TMEM132D: variants seen among roughly 807,000 people sequenced by gnomAD.
The protein encoded by TMEM132D is mature OL transmembrane protein.
A neutral mutation model predicts 62.3 loss-of-function variants in TMEM132D; 21 were observed. The ratio of observed to expected loss-of-function variants is 0.34; its 90% confidence interval spans 0.24 to 0.49. The LOEUF is 0.49. Among genes scored for constraint, TMEM132D ranks in the 20% least tolerant of loss-of-function variants. The pLI is 0.99. For synonymous variants in TMEM132D, 621 were observed against 575.6 expected (o/e 1.08, Z -1.13); for missense variants, 1,346 against 1,402.8 (o/e 0.96, Z 0.65).
chr12:129,274,170 G>T (rs1880939041), intron 4 of TMEM132D, among the ~76,000 whole-genome samples: 1 of 151,822 alleles, frequency 6.6e-6, no homozygotes, highest in African/African-American at 2.4e-5. Context: ...AAAAGGAACT[G>T]GGAGAGTCTC....
chr12:129,700,472 G>T lies in TMEM132D; in HGVS notation c.306C>A (p.Ile102=), dbSNP rs2137227362. 3 of 1,614,132 alleles carry T rather than the reference G, an allele frequency of 1.9e-6. No individual in the cohort carries two copies. The highest frequency in any genetic ancestry group is 2.5e-6 in the Non-Finnish European group (3 of 1,180,038). The change falls in exon 2 of 9, where the codon ATC becomes ATA. Residue 102 remains isoleucine, a synonymous_variant. Coordinates refer to ENST00000422113, the MANE Select transcript of TMEM132D (RefSeq NM_133448.3). The part of the protein sequence containing the change: ...VLNASYGPFS[I]EQVVPQDLML... ...TTAAATCCTGGGGCACCACTTGCTCGATGGAGAAAGGCCCGTAGCTGGCAT... is the reference window on the plus strand; with the variant it reads ...TTAAATCCTGGGGCACCACTTGCTCTATGGAGAAAGGCCCGTAGCTGGCAT...
chr12:129,576,799 T>C (rs1877674941), intron 2 of TMEM132D, among the ~76,000 whole-genome samples: 1 of 151,952 alleles, frequency 6.6e-6, no homozygotes, highest in Admixed American at 6.6e-5. Flanking sequence ...GTATGTTATA[T>C]GTATTAGATA....
intron 4 of TMEM132D, among the ~76,000 whole-genome samples, chr12:129,303,194 C>T (rs76190927): frequency 1.0e-3 from 141 of 137,572 alleles, no homozygotes; most frequent in Non-Finnish European, 1.7e-3. Context: ...CATCACTCGC[C>T]GGGACTCTGC....
rs1236697244 is a variant in TMEM132D, at chr12:129,867,792, G to A, written c.79+35469C>T. 6.6e-6 allele frequency among the ~76,000 whole-genome samples: 1 copy of A among 152,146 alleles called. No individual in the cohort carries two copies. The highest frequency in any genetic ancestry group is 2.4e-5 in the African/African-American group (1 of 41,436). Reference sequence around the variant, plus strand: ...TAAAAGCTAAAATAAATTTTAAAAGGTATATATTTAAGCCAAAACTAACCT... The same window carrying A: ...TAAAAGCTAAAATAAATTTTAAAAGATATATATTTAAGCCAAAACTAACCT... On this transcript the variant is annotated intron_variant, in intron 1 of 8. Coordinates refer to ENST00000422113, the MANE Select transcript of TMEM132D (RefSeq NM_133448.3). The surrounding 1 kb of genome is among the most constrained non-coding windows in gnomAD (Gnocchi z 4.5).
chr12:129,822,001 C>A (rs144190976), intron 1 of TMEM132D, among the ~76,000 whole-genome samples: 1 of 152,222 alleles, frequency 6.6e-6, no homozygotes, highest in Non-Finnish European at 1.5e-5. Context: ...TATAATAGTG[C>A]AAAAGACAGA....
intron 1 of TMEM132D, among the ~76,000 whole-genome samples, chr12:129,758,847 G>A (rs990215947): frequency 6.6e-6 from 1 of 152,068 alleles, no homozygotes; most frequent in Admixed American, 6.5e-5. Context: ...ATCTATTGAG[G>A]TGATCTAGTA....
At chr12:129,369,043 G>A (rs1164023633) in intron 3 of TMEM132D, among the ~76,000 whole-genome samples, 1 of 152,190 alleles carries the variant, frequency 6.6e-6, no homozygotes, top group African/African-American at 2.4e-5. Flanking sequence ...GTATCAATCA[G>A]CTGTGATACC....
chr12:129,538,029 AT>A (rs1207577384), intron 2 of TMEM132D, among the ~76,000 whole-genome samples: 2 of 152,238 alleles, frequency 1.3e-5, no homozygotes, highest in Non-Finnish European at 2.9e-5. Context: ...AAATTCCAAC[AT>A]TTGAAGACAC....
At chr12:129,248,316 G>A (rs958949561) in intron 4 of TMEM132D, among the ~76,000 whole-genome samples, 3 of 152,154 alleles carry the variant, frequency 2.0e-5, no homozygotes, top group South Asian at 2.1e-4. Context: ...GAACTCTCAC[G>A]AAAGGACTTC....
At chr12:129,649,179 T>C (rs1020912604) in intron 2 of TMEM132D, among the ~76,000 whole-genome samples, 8 of 152,202 alleles carry the variant, frequency 5.3e-5, no homozygotes, top group African/African-American at 1.9e-4. Flanking sequence ...CACACTCAGA[T>C]CTCTCATTTC....
At chr12:129,807,661 C>G (rs541888582) in intron 1 of TMEM132D, among the ~76,000 whole-genome samples, 51 of 152,190 alleles carry the variant, frequency 3.4e-4, no homozygotes, top group Non-Finnish European at 6.5e-4. Context: ...TTCCGACTCT[C>G]CTTGTCTTCT....
chr12:129,336,902 AACGGCGTT>A (rs1211852007), intron 4 of TMEM132D, among the ~76,000 whole-genome samples: 4 of 152,218 alleles, frequency 2.6e-5, no homozygotes. Flanking sequence ...GCTCAAGACA[AACGGCGTT>A]GCCATTCCCA....
chr12:129,414,501 A>G (rs1285053098), intron 3 of TMEM132D, among the ~76,000 whole-genome samples: 1 of 152,196 alleles, frequency 6.6e-6, no homozygotes, highest in Non-Finnish European at 1.5e-5. Flanking sequence ...TTGGCAATGA[A>G]CCTAGCCTTA....
intron 3 of TMEM132D, among the ~76,000 whole-genome samples, chr12:129,366,437 C>T (rs756867906): frequency 2.6e-4 from 40 of 152,078 alleles, no homozygotes; most frequent in African/African-American, 3.6e-4. Context: ...CCATGTGACA[C>T]GCCTGCTTCC....
intron 2 of TMEM132D, among the ~76,000 whole-genome samples, chr12:129,589,959 C>T (rs1232228976): frequency 6.6e-6 from 1 of 152,142 alleles, no homozygotes; most frequent in East Asian, 1.9e-4. Context: ...CTAAATTAAA[C>T]CATCCCTTTT....
chr12:129,200,694 A>G (rs2054813), intron 5 of TMEM132D, among the ~76,000 whole-genome samples: 110,845 of 152,228 alleles, frequency 0.73, 40,809 homozygotes, highest in Middle Eastern at 0.76. Flanking sequence ...GCTGGATTGC[A>G]GAAAGAGAAC....
intron 1 of TMEM132D, among the ~76,000 whole-genome samples, chr12:129,792,933 A>T (rs1418907519): frequency 1.3e-5 from 2 of 152,216 alleles, no homozygotes; most frequent in African/African-American, 4.8e-5. Flanking sequence ...CCAGGAGGGA[A>T]ACTGGTGTTC....
intron 5 of TMEM132D, among the ~76,000 whole-genome samples, chr12:129,103,187 G>A (rs893796989): frequency 1.3e-5 from 2 of 152,204 alleles, no homozygotes; most frequent in Non-Finnish European, 2.9e-5. Context: ...GCTGGAGGAA[G>A]AGGAGGGATT....
chr12:129,771,675 C>T (rs1328900881), intron 1 of TMEM132D, among the ~76,000 whole-genome samples: 1 of 152,200 alleles, frequency 6.6e-6, no homozygotes, highest in Non-Finnish European at 1.5e-5. Context: ...TCCCAGCGAT[C>T]CAATGCACTT....
Sources: gnomAD v4.1 joint callset for allele counts (sites outside exome capture counted in the v4.1 genomes callset) on GRCh38, gnomAD v4.1.1 for gene constraint, Gnocchi (gnomAD v3.1) non-coding constraint, MANE v1.5 for transcripts, NCBI Gene and HGNC (gene_info 2026-07-23, HGNC 2026-07-21) for gene names.